The following NUFIP2 variants were observed in gnomAD, a reference collection of about 807,000 sequenced individuals.
NUFIP2 encodes the protein FMR1-interacting protein NUFIP2.
In NUFIP2, 6 loss-of-function variants were observed where a neutral mutation model predicts 56.9. The ratio of observed to expected loss-of-function variants is 0.11; its 90% CI spans 0.06 to 0.21. The LOEUF is 0.21. Ranked by LOEUF, NUFIP2 falls within the 10% of genes least tolerant of loss-of-function variation. The pLI is 1.00. For missense variants in NUFIP2, 828 were observed against 826.8 expected, an observed-to-expected ratio of 1.00 and a Z score of -0.02; for synonymous variants, 321 against 298.2, an observed-to-expected ratio of 1.08 and a Z score of -0.79.
At chr17:29,282,077 T>C (rs996832260) in intron 2 of NUFIP2, among the ~76,000 whole-genome samples, 13 of 151,962 alleles carry the variant, frequency 8.6e-5, no homozygotes, top group Non-Finnish European at 1.6e-4. Context: ...CCCCTTTTTA[T>C]GCTCTATTGT....
At chr17:29,269,813 C>T (rs1482619621) in intron 2 of NUFIP2, among the ~76,000 whole-genome samples, 4 of 152,084 alleles carry the variant, frequency 2.6e-5, no homozygotes, top group Admixed American at 6.6e-5. Context: ...CTCCGCCTCC[C>T]GGGTTCACGC....
intron 2 of NUFIP2, among the ~76,000 whole-genome samples, chr17:29,276,826 T>C (rs1436840550): frequency 5.9e-5 from 9 of 152,176 alleles, no homozygotes; most frequent in Non-Finnish European, 1.2e-4. Context: ...GTAAACAGTA[T>C]TAGGCAGACC....
At chr17:29,270,643 T>C (rs959797490) in intron 2 of NUFIP2, among the ~76,000 whole-genome samples, 8 of 152,102 alleles carry the variant, frequency 5.3e-5, no homozygotes, top group Non-Finnish European at 7.3e-5. Context: ...TTGATATTCA[T>C]TTTGTCTACT....
intron 2 of NUFIP2, among the ~76,000 whole-genome samples, chr17:29,282,078 G>A (rs1349450348): frequency 6.6e-6 from 1 of 151,482 alleles, no homozygotes; most frequent in Non-Finnish European, 1.5e-5. Context: ...CCCTTTTTAT[G>A]CTCTATTGTA....
intron 2 of NUFIP2, among the ~76,000 whole-genome samples, chr17:29,279,896 G>C (rs181088101): frequency 6.6e-6 from 1 of 152,132 alleles, no homozygotes; most frequent in African/African-American, 2.4e-5. Context: ...TCAGCCCACT[G>C]CAACTTCCAC....
intron 1 of NUFIP2, among the ~76,000 whole-genome samples, chr17:29,289,636 A>G (rs1237597890): frequency 6.6e-6 from 1 of 152,208 alleles, no homozygotes. Flanking sequence ...AGGACACTCC[A>G]CACACATTTA....
intron 2 of NUFIP2, among the ~76,000 whole-genome samples, chr17:29,281,079 G>C (rs1056430881): frequency 6.6e-6 from 1 of 151,254 alleles, no homozygotes; most frequent in African/African-American, 2.4e-5. Context: ...AGGATCCCTT[G>C]AGGCCAGGAG....
intron 2 of NUFIP2, among the ~76,000 whole-genome samples, chr17:29,271,536 CAA>C (rs200734042): frequency 4.2e-5 from 5 of 118,894 alleles, no homozygotes; most frequent in Admixed American, 8.7e-5. Context: ...GACTCCGTCT[CAA>C]AAAAAAAAAA....
intron 2 of NUFIP2, among the ~76,000 whole-genome samples, chr17:29,280,798 C>T (rs546814822): frequency 1.2e-4 from 18 of 151,976 alleles, no homozygotes; most frequent in African/African-American, 4.1e-4. Context: ...CCAGTCTGGC[C>T]AACATGGCGA....
intron 2 of NUFIP2, among the ~76,000 whole-genome samples, chr17:29,278,302 A>C (rs1276043434): frequency 6.6e-6 from 1 of 151,652 alleles, no homozygotes; most frequent in African/African-American, 2.4e-5. Flanking sequence ...GCTAGACTGC[A>C]GTGGCGCGAT....
At chr17:29,290,871 T>C (rs2069207995) in intron 1 of NUFIP2, among the ~76,000 whole-genome samples, 2 of 151,720 alleles carry the variant, frequency 1.3e-5, no homozygotes, top group Non-Finnish European at 2.9e-5. Flanking sequence ...AGATGAGCAA[T>C]CTGAAATAGC....
At chr17:29,266,099 T>C (rs911875906) in intron 3 of NUFIP2, among the ~76,000 whole-genome samples, 3 of 152,288 alleles carry the variant, frequency 2.0e-5, no homozygotes, top group East Asian at 3.9e-4. Context: ...GCCTCCCTAG[T>C]AGCTGGGATT....
At position 29,286,256 on chromosome 17, in the gene NUFIP2, G is replaced by A; in HGVS notation, c.1738C>T (p.Leu580=). The part of the protein sequence containing the change: ...RTSPQVLGSI[L]KSGTTSESGA... ...CTCTCACTAGTAGTCCCAGATTTTA[G>A]AATGCTACCCAGAACTTGAGGACTA... is the stretch of plus-strand genomic sequence containing the variant. Residue 580 remains leucine, a synonymous_variant, in exon 2 of 4, where the codon CTA becomes TTA. Transcript: ENST00000225388. The A allele has an allele frequency of 6.2e-7, 1 of 1,614,176 alleles. No homozygotes were observed. Among genetic ancestry groups the A allele is most frequent in the Non-Finnish European group, 8.5e-7 (1 of 1,180,044 alleles).
At chr17:29,274,258 A>G (rs2069093996) in intron 2 of NUFIP2, among the ~76,000 whole-genome samples, 1 of 152,208 alleles carries the variant, frequency 6.6e-6, no homozygotes, top group Non-Finnish European at 1.5e-5. Flanking sequence ...CAGAGGTGGG[A>G]GGATCACTTG....
chr17:29,276,539 T>C (rs542365662), intron 2 of NUFIP2, among the ~76,000 whole-genome samples: 2 of 152,282 alleles, frequency 1.3e-5, no homozygotes, highest in Non-Finnish European at 2.9e-5. Flanking sequence ...AGTTTCACCA[T>C]GTTGGCCAGG....
At chr17:29,274,698 T>C (rs955719958) in intron 2 of NUFIP2, among the ~76,000 whole-genome samples, 2 of 152,156 alleles carry the variant, frequency 1.3e-5, no homozygotes, top group Non-Finnish European at 2.9e-5. Context: ...TTTCATTATA[T>C]AGGTGAAGGG....
chr17:29,285,626 G>A (rs2069168513), intron 2 of NUFIP2, among the ~76,000 whole-genome samples: 1 of 151,526 alleles, frequency 6.6e-6, no homozygotes, highest in Admixed American at 6.6e-5. Flanking sequence ...AAAAAGCAAA[G>A]ACAAAAAAGC....
At chr17:29,273,033 T>TATAC (rs1555548132) in intron 2 of NUFIP2, among the ~76,000 whole-genome samples, 66 of 92,686 alleles carry the variant, frequency 7.1e-4, no homozygotes, top group African/African-American at 2.1e-3. Flanking sequence ...TATATATATA[T>TATAC]ACACACACAC....
Position 29,293,796 on chromosome 17 carries a change from C to T in NUFIP2, c.264G>A (p.Pro88=). 1 of 1,392,570 alleles carries T rather than the reference C, an allele frequency of 7.2e-7. No individual in the cohort carries two copies. The highest frequency in any genetic ancestry group is 9.6e-7 in the Non-Finnish European group (1 of 1,040,312). 86.3% of individuals were successfully genotyped at this position (1,392,570 alleles called of 1,614,324 possible). A position where few individuals can be genotyped will look rare whatever the true frequency, so the allele number is the denominator to read the frequency against. ...KHTLQQHQET[P]KKKTGYGELN... is the part of the protein sequence containing the mutation. The stretch of plus-strand genomic sequence containing the variant: ...TCCCTCCCAGACCTGTTTTCTTCTT[C>T]GGCGTTTCCTGGTGCTGCTGGAGGG... Residue 88 remains proline, a synonymous_variant, in exon 1 of 4, where the codon CCG becomes CCA. Coordinates refer to ENST00000225388, the MANE Select transcript of NUFIP2 (RefSeq NM_020772.3).
Sources: gnomAD v4.1 joint callset for allele counts (sites outside exome capture counted in the v4.1 genomes callset) on GRCh38, gnomAD v4.1.1 for gene constraint, MANE v1.5 for transcripts, NCBI Gene and HGNC (gene_info 2026-07-23, HGNC 2026-07-21) for gene names.